ANO4: variants seen among roughly 807,000 people sequenced by gnomAD.
ANO4 encodes the protein anoctamin-4.
A neutral mutation model predicts 141.9 loss-of-function variants in ANO4; 69 were observed. The observed-to-expected ratio is 0.49, with a 90% CI of 0.40 to 0.59. The LOEUF is 0.59. Among genes scored for constraint, ANO4 ranks in the 20% least tolerant of loss-of-function variants. ANO4 has a pLI of 0.00. For synonymous variants in ANO4, 350 were observed against 394.3 expected, an observed-to-expected ratio of 0.89 and a Z score of 1.33; for missense variants, 894 against 1,162.2, an observed-to-expected ratio of 0.77 and a Z score of 3.36.
At chr12:100,737,876 G>T (rs2031681234) in intron 2 of ANO4, among the ~76,000 whole-genome samples, 1 of 152,040 alleles carries the variant, frequency 6.6e-6, no homozygotes, top group East Asian at 1.9e-4. Context: ...TTGTGAGGGT[G>T]TTCCATTTAG....
Position 101,016,718 on chromosome 12 carries a change from G to A in ANO4, c.735-3316G>A, listed in dbSNP as rs561519227. 7.2e-5 allele frequency among the ~76,000 whole-genome samples: 11 copies of A among 152,302 alleles called. No homozygotes were observed. In the East Asian group the frequency reaches 1.5e-3, roughly 21 times the overall value. ...ACCCAAGGAAGTGGGCCATGTGGGC[G>A]GACAGCTTTCATGGAATGTAATAGA... On this transcript the variant is annotated intron_variant, in intron 8 of 27. Coordinates refer to ENST00000392977, the MANE Select transcript of ANO4 (RefSeq NM_001286615.2).
At chr12:100,879,570 A>G (rs1449347141) in intron 1 of ANO4, among the ~76,000 whole-genome samples, 2 of 152,184 alleles carry the variant, frequency 1.3e-5, no homozygotes, top group African/African-American at 4.8e-5. Context: ...AAAGTGAAGT[A>G]TTCTATTTAT....
chr12:101,055,731 C>A (rs1218329844), intron 14 of ANO4, among the ~76,000 whole-genome samples: 1 of 151,926 alleles, frequency 6.6e-6, no homozygotes, highest in African/African-American at 2.4e-5. Flanking sequence ...TTTATGAAAT[C>A]TTTGCCAAAC....
At chr12:101,025,632 G>A (rs1039840454) in intron 9 of ANO4, among the ~76,000 whole-genome samples, 2 of 152,162 alleles carry the variant, frequency 1.3e-5, no homozygotes, top group African/African-American at 4.8e-5. Flanking sequence ...ATAATTCACA[G>A]AGCAGTGAGG....
chr12:101,064,075 T>C (rs2048472110), intron 14 of ANO4, among the ~76,000 whole-genome samples: 1 of 152,100 alleles, frequency 6.6e-6, no homozygotes, highest in African/African-American at 2.4e-5. Flanking sequence ...TTGCATTTAA[T>C]TGCTCCTTTT....
intron 7 of ANO4, among the ~76,000 whole-genome samples, chr12:100,983,419 C>T (rs895382214): frequency 6.6e-6 from 1 of 152,180 alleles, no homozygotes; most frequent in Admixed American, 6.5e-5. Flanking sequence ...AGAGGAGGCT[C>T]AACTGGTTTG....
intron 14 of ANO4, among the ~76,000 whole-genome samples, chr12:101,049,810 A>G (rs748064598): frequency 2.6e-5 from 4 of 152,030 alleles, no homozygotes; most frequent in Non-Finnish European, 4.4e-5. Flanking sequence ...CATGTTTTGA[A>G]CCCCATGACT....
chr12:100,846,817 G>A (rs982846547), intron 1 of ANO4, among the ~76,000 whole-genome samples: 2 of 151,920 alleles, frequency 1.3e-5, no homozygotes, highest in East Asian at 3.9e-4. Context: ...AGTTTTCAAA[G>A]CACACCATGT....
chr12:101,010,197 A>C (rs530964614), intron 8 of ANO4, among the ~76,000 whole-genome samples: 1 of 152,280 alleles, frequency 6.6e-6, no homozygotes, highest in East Asian at 1.9e-4. Context: ...CACACCCACT[A>C]TGCATGTTAC....
chr12:101,073,566 T>TATAATAATAATAATA (rs55723203), intron 14 of ANO4, among the ~76,000 whole-genome samples: 15,844 of 143,424 alleles, frequency 0.11, 1,019 homozygotes, highest in Admixed American at 0.2. Context: ...GAACTTAAAG[T>TATAATAATAATAATA]ATAATAATAA....
chr12:100,950,839 G>A (rs930464964), intron 5 of ANO4, among the ~76,000 whole-genome samples: 6 of 152,230 alleles, frequency 3.9e-5, no homozygotes, highest in South Asian at 2.1e-4. Flanking sequence ...TGAATTAGTA[G>A]TAGAGATGCT....
At chr12:100,764,568 A>T (rs149654098) in intron 3 of ANO4, among the ~76,000 whole-genome samples, 1 of 152,354 alleles carries the variant, frequency 6.6e-6, no homozygotes, top group East Asian at 1.9e-4. Context: ...AAGCAATACC[A>T]TTAACACATA....
intron 14 of ANO4, among the ~76,000 whole-genome samples, chr12:101,057,471 A>G (rs987578293): frequency 2.6e-5 from 4 of 152,136 alleles, no homozygotes; most frequent in African/African-American, 4.8e-5. Context: ...ACTCCCACCA[A>G]AAGTGTAATT....
intron 13 of ANO4, among the ~76,000 whole-genome samples, chr12:101,046,699 C>T (rs898162532): frequency 6.6e-6 from 1 of 152,080 alleles, no homozygotes; most frequent in African/African-American, 2.4e-5. Context: ...ATAACCTTAC[C>T]CCTCCTCATT....
Position 101,035,804 on chromosome 12 carries a change from G to C in ANO4, c.842-1291G>C, listed in dbSNP as rs141610919. Among the ~76,000 whole-genome samples the C allele has an allele frequency of 4.5e-3, 680 of 152,234 alleles. 9 individuals are homozygous for C. Among genetic ancestry groups the C allele is most frequent in the African/African-American group, 0.016 (645 of 41,536 alleles). On this transcript the variant is annotated intron_variant, in intron 9 of 27. Coordinates refer to ENST00000392977, the MANE Select transcript of ANO4 (RefSeq NM_001286615.2). ...CACTTATAAGTGGGAGTTAAACATT[G>C]AGTACACATGGACAAAGAAGGGAAC... is the stretch of plus-strand genomic sequence containing the variant.
Position 100,901,732 on chromosome 12 carries a change from C to T in ANO4, c.-54C>T, listed in dbSNP as rs757139716. ...GGCAAGCCGCCCAGCGTCACGTCGT[C>T]GCCTGCCTGTGGTCAGGCATTCCTC... On this transcript the variant is annotated 5_prime_UTR_variant, in exon 2 of 28. Transcript: ENST00000392977. The T allele has an allele frequency of 2.2e-5, 33 of 1,526,716 alleles. No homozygotes were observed. The highest frequency in any genetic ancestry group is 2.7e-5 in the African/African-American group (2 of 72,910). The allele number at this position is 1,526,716 out of a possible 1,614,324, so 94.6% of individuals were successfully genotyped here.
intron 1 of ANO4, among the ~76,000 whole-genome samples, chr12:100,839,004 C>G (rs1248767094): frequency 6.6e-6 from 1 of 152,110 alleles, no homozygotes; most frequent in Non-Finnish European, 1.5e-5. Context: ...GATTAGAAGA[C>G]TGAGGACATC....
chr12:100,885,008 C>T (rs539530889), intron 1 of ANO4, among the ~76,000 whole-genome samples: 1 of 152,312 alleles, frequency 6.6e-6, no homozygotes, highest in East Asian at 1.9e-4. Flanking sequence ...GTGCCTTTTC[C>T]AGCTCCTAGG....
At chr12:100,817,652 T>C (rs2035811848) in intron 1 of ANO4, among the ~76,000 whole-genome samples, 1 of 151,926 alleles carries the variant, frequency 6.6e-6, no homozygotes, top group African/African-American at 2.4e-5. Context: ...AAACTGGTCA[T>C]TGATTTTCAT....
Sources: allele counts gnomAD v4.1 joint callset (sites outside exome capture counted in the v4.1 genomes callset), GRCh38; gene constraint gnomAD v4.1.1; transcripts MANE v1.5; gene names NCBI Gene and HGNC (gene_info 2026-07-23, HGNC 2026-07-21).